The following CDH4 variants were observed in gnomAD, a reference collection of about 807,000 sequenced individuals.
CDH4 encodes cadherin-4.
A neutral mutation model predicts 86.0 loss-of-function variants in CDH4; 33 were observed. The observed-to-expected ratio is 0.38, with a 90% CI of 0.29 to 0.51. The LOEUF (loss-of-function observed/expected upper bound fraction) is 0.51, where lower values mean the gene tolerates loss of function less well. CDH4 is among the 20% of genes least tolerant of loss of function. The probability of loss-of-function intolerance (pLI) is 0.86; values close to 1 mark genes in which losing one functional copy is unlikely to be tolerated. For missense variants in CDH4, 1,114 were observed against 1,307.4 expected (o/e 0.85, Z 2.28); for synonymous variants, 555 against 549.4 (o/e 1.01, Z -0.14).
chr20:61,758,837 A>G (rs1326701837), intron 3 of CDH4, among the ~76,000 whole-genome samples: 1 of 152,190 alleles, frequency 6.6e-6, no homozygotes, highest in African/African-American at 2.4e-5. Context: ...CGGGGCAGGC[A>G]CACGGGCCCT....
intron 2 of CDH4, among the ~76,000 whole-genome samples, chr20:61,696,675 G>T (rs1166105771): frequency 2.0e-5 from 3 of 152,230 alleles, no homozygotes; most frequent in Non-Finnish European, 2.9e-5. Context: ...CCATGGGGCT[G>T]CCCTGGCCCA....
chr20:61,425,593 G>A (rs549446728), intron 2 of CDH4, among the ~76,000 whole-genome samples: 1 of 152,370 alleles, frequency 6.6e-6, no homozygotes, highest in South Asian at 2.1e-4. Flanking sequence ...AGCACATCCC[G>A]CAGGAGGGGC....
intron 2 of CDH4, among the ~76,000 whole-genome samples, chr20:61,301,334 T>G (rs1162561193): frequency 2.0e-5 from 3 of 152,230 alleles, no homozygotes; most frequent in Non-Finnish European, 4.4e-5. Context: ...GGTGGTGCCC[T>G]GCCCATATGT....
At chr20:61,478,114 T>G (rs2085549422) in intron 2 of CDH4, among the ~76,000 whole-genome samples, 1 of 152,072 alleles carries the variant, frequency 6.6e-6, no homozygotes, top group Non-Finnish European at 1.5e-5. Flanking sequence ...GCCTCTAAAT[T>G]GGGAACTGTG....
chr20:61,560,778 C>T (rs1455521305), intron 2 of CDH4, among the ~76,000 whole-genome samples: 1 of 152,254 alleles, frequency 6.6e-6, no homozygotes. Flanking sequence ...GAGCCCGGGT[C>T]TCAGCCTGGG....
chr20:61,389,421 C>G (rs925745475), intron 2 of CDH4, among the ~76,000 whole-genome samples: 2 of 152,214 alleles, frequency 1.3e-5, no homozygotes, highest in Non-Finnish European at 2.9e-5. Context: ...GTGAGCATGT[C>G]TTTCTGGTCC....
chr20:61,478,707 C>A (rs114980082), intron 2 of CDH4, among the ~76,000 whole-genome samples: 2 of 152,188 alleles, frequency 1.3e-5, no homozygotes, highest in Non-Finnish European at 2.9e-5. Context: ...CAAGAGATCA[C>A]GGTGACGTGA....
At chr20:61,869,814 G>T (rs982708960) in intron 6 of CDH4, among the ~76,000 whole-genome samples, 6 of 152,240 alleles carry the variant, frequency 3.9e-5, no homozygotes, top group Non-Finnish European at 8.8e-5. Flanking sequence ...AGGACCTCCT[G>T]CCTGGCCTTC....
At chr20:61,653,350 A>C (rs2087145527) in intron 2 of CDH4, among the ~76,000 whole-genome samples, 3 of 137,676 alleles carry the variant, frequency 2.2e-5, no homozygotes, top group South Asian at 4.6e-4. Flanking sequence ...CTACACAGAC[A>C]CGGCAACCAT....
chr20:61,754,645 A>ACACACCACACGCACACACGCCCCG lies in CDH4; in HGVS notation c.396+10862_396+10885dup. ...CACACACACCACACACACACGCCCCACACACCACACGCACACACGCCCCGC... is the reference window on the plus strand; with the variant it reads ...CACACACACCACACACACACGCCCCACACACCACACGCACACACGCCCCGCACACCACACGCACACACGCCCCGC... On this transcript the variant is annotated intron_variant, in intron 3 of 15. Coordinates refer to ENST00000614565, the MANE Select transcript of CDH4 (RefSeq NM_001794.5). The surrounding 1 kb of genome is among the most constrained non-coding windows in gnomAD (Gnocchi z 4.7). Among the ~76,000 whole-genome samples, 1 of 150,356 alleles carries ACACACCACACGCACACACGCCCCG rather than the reference A, an allele frequency of 6.7e-6. No homozygotes were observed. The highest frequency in any genetic ancestry group is 1.5e-5 in the Non-Finnish European group (1 of 67,626).
intron 4 of CDH4, among the ~76,000 whole-genome samples, chr20:61,777,966 CTA>C (rs1031779051): frequency 4.6e-5 from 7 of 150,590 alleles, no homozygotes; most frequent in African/African-American, 1.5e-4. Context: ...CACGTGCATA[CTA>C]TACACACATC....
chr20:61,643,792 C>T (rs750279049), intron 2 of CDH4, among the ~76,000 whole-genome samples: 21 of 152,254 alleles, frequency 1.4e-4, no homozygotes, highest in Middle Eastern at 3.2e-3. Context: ...ACTTTGGACC[C>T]GCCCTTTCCT....
intron 2 of CDH4, among the ~76,000 whole-genome samples, chr20:61,654,259 C>G (rs1324486776): frequency 2.0e-5 from 3 of 151,690 alleles, no homozygotes; most frequent in Admixed American, 6.6e-5. Flanking sequence ...CCCGTCTCCA[C>G]CAAAAAAACA....
intron 2 of CDH4, among the ~76,000 whole-genome samples, chr20:61,645,461 T>C (rs2087051516): frequency 6.6e-6 from 1 of 151,684 alleles, no homozygotes; most frequent in African/African-American, 2.4e-5. Flanking sequence ...ACTTCATCTC[T>C]ACAAAAATTT....
At chr20:61,866,930 A>G (rs1042907175) in intron 6 of CDH4, among the ~76,000 whole-genome samples, 2 of 152,144 alleles carry the variant, frequency 1.3e-5, no homozygotes, top group African/African-American at 4.8e-5. Flanking sequence ...ATCCTGAGCC[A>G]CCTCCCAAAG....
intron 6 of CDH4, among the ~76,000 whole-genome samples, chr20:61,855,708 G>A (rs1210899793): frequency 6.6e-6 from 1 of 152,244 alleles, no homozygotes; most frequent in African/African-American, 2.4e-5. Flanking sequence ...GCGGAGACGT[G>A]GCCCCGTAAG....
At chr20:61,561,167 T>G (rs1168266032) in intron 2 of CDH4, among the ~76,000 whole-genome samples, 1 of 151,946 alleles carries the variant, frequency 6.6e-6, no homozygotes, top group African/African-American at 2.4e-5. Context: ...GAATTCAGAA[T>G]TATCTCTTTT....
At chr20:61,747,445 CAAAA>C (rs11302958) in intron 3 of CDH4, among the ~76,000 whole-genome samples, 4 of 75,498 alleles carry the variant, frequency 5.3e-5, no homozygotes, top group African/African-American at 9.1e-5. Context: ...GACTCTGTCT[CAAAA>C]AAAAAAAAAA....
chr20:61,323,275 G>T lies in CDH4; in HGVS notation c.169+68338G>T, dbSNP rs147560812. On this transcript the variant is annotated intron_variant, in intron 2 of 15. Transcript: ENST00000614565. ...GGCAGCCCAGTGTCCCGAGTGGGTG[G>T]CAGGTCAGCCCCTGTCCCCTCGTCT... is the stretch of plus-strand genomic sequence containing the variant. Among the ~76,000 whole-genome samples, 1,146 of 152,266 alleles carry T rather than the reference G, an allele frequency of 7.5e-3. 10 individuals carry two copies. The highest frequency in any genetic ancestry group is 0.025 in the African/African-American group (1,058 of 41,536).
Sources: gnomAD v4.1 joint callset for allele counts (sites outside exome capture counted in the v4.1 genomes callset) on GRCh38, gnomAD v4.1.1 for gene constraint, Gnocchi (gnomAD v3.1) non-coding constraint, MANE v1.5 for transcripts, NCBI Gene and HGNC (gene_info 2026-07-23, HGNC 2026-07-21) for gene names.